MIEF1: variants seen among roughly 807,000 people sequenced by gnomAD.
The protein encoded by MIEF1 is mitochondrial dynamics protein MIEF1.
MIEF1 carries 14 observed loss-of-function variants against 35.1 expected under a neutral mutation model. The ratio of observed to expected loss-of-function variants is 0.40; its 90% CI spans 0.26 to 0.62. MIEF1 has a LOEUF of 0.62. Among genes scored for constraint, MIEF1 ranks in the 20% least tolerant of loss-of-function variants. The probability of loss-of-function intolerance (pLI) is 0.43; values close to 1 mark genes in which losing one functional copy is unlikely to be tolerated. For synonymous variants in MIEF1, 245 were observed against 254.3 expected (o/e 0.96, Z 0.35); for missense variants, 542 against 615.4 (o/e 0.88, Z 1.26).
In MIEF1 at chr22:39,517,686, T is replaced by C; in HGVS notation, c.*3363T>C. On this transcript the variant is annotated 3_prime_UTR_variant, in exon 6 of 6. Coordinates refer to ENST00000325301, the MANE Select transcript of MIEF1 (RefSeq NM_019008.6). The stretch of plus-strand genomic sequence containing the variant: ...AGAACTCTGCCCTTTTGTCTGAAAC[T>C]CAAGGCCAAGGAGAATGATAGGAGA... 2.1e-6 allele frequency: 1 copy of C among 466,584 alleles called. No individual in the cohort carries two copies. Among genetic ancestry groups the C allele is most frequent in the South Asian group, 1.6e-5 (1 of 64,050 alleles). 28.9% of individuals were successfully genotyped at this position (466,584 alleles called of 1,614,324 possible).
chr22:39,511,890 C>G lies in MIEF1; in HGVS notation c.186C>G (p.Arg62=). 6.2e-7 allele frequency: 1 copy of G among 1,614,240 alleles called. No individual in the cohort carries two copies. The highest frequency in any genetic ancestry group is 8.5e-7 in the Non-Finnish European group (1 of 1,180,036). Reference sequence around the variant, plus strand: ...TCAGTGCCCCTACCAGCCCCACCCGCCTGAGCCATTCGGGGAAAAGGAGCT... The same window carrying G: ...TCAGTGCCCCTACCAGCCCCACCCGGCTGAGCCATTCGGGGAAAAGGAGCT... ...RAISAPTSPT[R]LSHSGKRSWE... is the part of the protein sequence containing the mutation. The change falls in exon 4 of 6, where the codon CGC becomes CGG. Residue 62 remains arginine, a synonymous_variant. Coordinates refer to ENST00000325301, the MANE Select transcript of MIEF1 (RefSeq NM_019008.6).
intron 4 of MIEF1, 45 bp from the exon 5 acceptor site, chr22:39,512,187 C>A: frequency 6.3e-7 from 1 of 1,591,204 alleles, no homozygotes; most frequent in Non-Finnish European, 8.5e-7. Context: ...GTGGACTGAG[C>A]AGGCATGGGC....
rs553210294 is a variant in MIEF1 at position 39,514,344 on chromosome 22, G to A, written c.*21G>A. ...CGTAGGGCAGGTGAAGGCCAAAGCG[G>A]GTGTTGGTGGTCAGGCCCTGGATTC... is the stretch of plus-strand genomic sequence containing the variant. On this transcript the variant is annotated 3_prime_UTR_variant, in exon 6 of 6. Coordinates refer to ENST00000325301, the MANE Select transcript of MIEF1 (RefSeq NM_019008.6). 2 of 1,608,486 alleles carry A rather than the reference G, an allele frequency of 1.2e-6. No homozygotes were observed. Among genetic ancestry groups the A allele is most frequent in the African/African-American group, 2.7e-5 (2 of 74,944 alleles).
Position 39,515,430 on chromosome 22 carries a change from T to C in MIEF1, c.*1107T>C, listed in dbSNP as rs1930608613. 1.4e-6 allele frequency: 1 copy of C among 690,268 alleles called. No individual in the cohort carries two copies. The highest frequency in any genetic ancestry group is 2.7e-6 in the Non-Finnish European group (1 of 371,946). The allele number at this position is 690,268 out of a possible 1,614,324, so 42.8% of individuals were successfully genotyped here. A position where few individuals can be genotyped will look rare whatever the true frequency, so the allele number is the denominator to read the frequency against. The stretch of plus-strand genomic sequence containing the variant: ...AGCCAGCCCTTCATCCTCCAGCGTC[T>C]GCCATAGGAATGTGAGAGGGGTGTT... On this transcript the variant is annotated 3_prime_UTR_variant, in exon 6 of 6. Coordinates refer to ENST00000325301, the MANE Select transcript of MIEF1 (RefSeq NM_019008.6).
intron 2 of MIEF1, among the ~76,000 whole-genome samples, chr22:39,510,107 C>T (rs1475650152): frequency 5.3e-5 from 8 of 151,922 alleles, no homozygotes; most frequent in Non-Finnish European, 1.2e-4. Flanking sequence ...TACAGGCATG[C>T]GCTGTCACAT....
At chr22:39,502,984 C>T (rs1929825494) in intron 1 of MIEF1, 2 of 152,130 alleles carry the variant, frequency 1.3e-5, no homozygotes, top group Admixed American at 6.5e-5. Flanking sequence ...CAAATACTTC[C>T]CCCACTTGGT....
Position 39,515,460 on chromosome 22 carries a change from G to C in MIEF1, c.*1137G>C, listed in dbSNP as rs184750464. 2.6e-5 allele frequency: 17 copies of C among 660,050 alleles called. No homozygotes were observed. The East Asian group carries it at 3.8e-4, about 15-fold the overall frequency. 40.9% of individuals were successfully genotyped at this position (660,050 alleles called of 1,614,324 possible). A position where few individuals can be genotyped will look rare whatever the true frequency, so the allele number is the denominator to read the frequency against. On this transcript the variant is annotated 3_prime_UTR_variant, in exon 6 of 6. Coordinates refer to ENST00000325301, the MANE Select transcript of MIEF1 (RefSeq NM_019008.6). ...TAGGAATGTGAGAGGGGTGTTTGCT[G>C]AGCGCTCCGGGCACGGCCAGAGGGC...
chr22:39,508,799 CT>C (rs1569016574), intron 2 of MIEF1, among the ~76,000 whole-genome samples: 1 of 152,096 alleles, frequency 6.6e-6, no homozygotes, highest in African/African-American at 2.4e-5. Context: ...GGTGTGAACT[CT>C]AGTTAGGGAA....
chr22:39,508,545 A>G (rs1190930629), intron 2 of MIEF1, among the ~76,000 whole-genome samples: 1 of 152,112 alleles, frequency 6.6e-6, no homozygotes, highest in African/African-American at 2.4e-5. Context: ...TTTTCTCCTG[A>G]TTGGGTTATC....
At position 39,512,016 on chromosome 22, in the gene MIEF1, C is replaced by G; in HGVS notation, c.312C>G (p.Thr104=). The G allele has an allele frequency of 1.2e-6, 2 of 1,612,896 alleles. No homozygotes were observed. The highest frequency in any genetic ancestry group is 2.2e-5 in the South Asian group (2 of 91,028). ...SLQTLPTDSS[T]FDTDTFCPPR... is the part of the protein sequence containing the mutation. ...AGACCCTTCCCACAGACTCCTCCACCTTCGACACAGGTGAGAAGGGCTGCT... is the reference window on the plus strand; with the variant it reads ...AGACCCTTCCCACAGACTCCTCCACGTTCGACACAGGTGAGAAGGGCTGCT... The change falls in exon 4 of 6, where the codon ACC becomes ACG. Residue 104 remains threonine (T), a synonymous_variant. Coordinates refer to ENST00000325301, the MANE Select transcript of MIEF1 (RefSeq NM_019008.6).
At chr22:39,512,541 C>T (rs1930407941) in intron 5 of MIEF1, 47 bp downstream of exon 5, 1 of 1,567,862 alleles carries the variant, frequency 6.4e-7, no homozygotes, top group Admixed American at 1.7e-5. Flanking sequence ...TGCTGAGCAC[C>T]ATAGTGTTGT....
In MIEF1 at chr22:39,517,736, C is replaced by G. The variant is rs1930752861; in HGVS notation, c.*3413C>G. 5.1e-6 allele frequency: 2 copies of G among 393,520 alleles called. No individual in the cohort carries two copies. The highest frequency in any genetic ancestry group is 6.2e-5 in the Admixed American group (2 of 32,502). The allele number at this position is 393,520 out of a possible 1,614,324, so 24.4% of individuals were successfully genotyped here. On this transcript the variant is annotated 3_prime_UTR_variant, in exon 6 of 6. Transcript: ENST00000325301. ...ACTTAGGACAGAGCTGACCCTTGCACCAGGCTGGGAGGCTGCAGCCCTTTT... is the reference window on the plus strand; with the variant it reads ...ACTTAGGACAGAGCTGACCCTTGCAGCAGGCTGGGAGGCTGCAGCCCTTTT...
rs1439863674 is a variant in MIEF1, at chr22:39,514,044, C to G, written c.1113C>G (p.Cys371Trp). The change falls in exon 6 of 6, where the codon TGC becomes TGG. Residue 371 changes from cysteine to tryptophan, a missense_variant. Cys to Trp is a radical substitution (Grantham distance 215, BLOSUM62 -2). Transcript: ENST00000325301. ...GCCTCAAGATCCTCAAGGCCATATG[C>G]AAGTCCACCCCGGCTCTGGGCCACC... The part of the protein sequence containing the change: ...SLCLKILKAI[C>W]KSTPALGHLT... The G allele has an allele frequency of 1.2e-6, 2 of 1,613,814 alleles. No homozygotes were observed. The highest frequency in any genetic ancestry group is 1.7e-6 in the Non-Finnish European group (2 of 1,180,052).
chr22:39,517,356 T>C lies in MIEF1; in HGVS notation c.*3033T>C. 3.7e-6 allele frequency: 1 copy of C among 268,170 alleles called. No homozygotes were observed. The highest frequency in any genetic ancestry group is 7.7e-6 in the Non-Finnish European group (1 of 130,062). 16.6% of individuals were successfully genotyped at this position (268,170 alleles called of 1,614,324 possible). A position where few individuals can be genotyped will look rare whatever the true frequency, so the allele number is the denominator to read the frequency against. ...TCTTTACATGCTTGGTTATGACTTT[T>C]AAAGTTTTATTTAAATAAATGTTGA... On this transcript the variant is annotated 3_prime_UTR_variant, in exon 6 of 6. Coordinates refer to ENST00000325301, the MANE Select transcript of MIEF1 (RefSeq NM_019008.6).
rs1930553497 is a variant in MIEF1, at chr22:39,514,476, T to A, written c.*153T>A. ...ACTTCATGCTGATTAGAATGACATC[T>A]CTTTCGTCTCCTATTTTGTTACCCA... On this transcript the variant is annotated 3_prime_UTR_variant, in exon 6 of 6. Coordinates refer to ENST00000325301, the MANE Select transcript of MIEF1 (RefSeq NM_019008.6). 1.0e-5 allele frequency: 7 copies of A among 698,250 alleles called. No individual in the cohort carries two copies. The highest frequency in any genetic ancestry group is 1.7e-5 in the Non-Finnish European group (7 of 422,770). The allele number at this position is 698,250 out of a possible 1,614,324, so 43.3% of individuals were successfully genotyped here.
rs962804363 is a variant in MIEF1, at chr22:39,514,011, A to C, written c.1080A>C (p.Arg360=). The change falls in exon 6 of 6, where the codon CGA becomes CGC. Residue 360 remains arginine (R), a synonymous_variant. Coordinates refer to ENST00000325301, the MANE Select transcript of MIEF1 (RefSeq NM_019008.6). ...RALDQADSGC[R]SLCLKILKAI... ...TGGACCAGGCTGACTCGGGCTGCCG[A>C]TCTCTGTGCCTCAAGATCCTCAAGG... is the stretch of plus-strand genomic sequence containing the variant. The C allele has an allele frequency of 2.1e-5, 34 of 1,613,394 alleles. No individual in the cohort carries two copies. Among genetic ancestry groups the C allele is most frequent in the Non-Finnish European group, 2.9e-5 (34 of 1,180,034 alleles).
rs1930395414 is a variant in MIEF1 at position 39,512,422 on chromosome 22, C to G, written c.513C>G (p.Phe171Leu). ...ACATATGTGCCGAGCTCCGGAGCTT[C>G]CTGCGGGCCAAGTTGCCTGACATGC... ...AVDICAELRSFLRAKLPDMPL... is the reference protein window; with the variant it reads ...AVDICAELRSLLRAKLPDMPL... The change falls in exon 5 of 6, where the codon TTC becomes TTG. Residue 171 changes from phenylalanine to leucine, a missense_variant. By Grantham distance (22) the Phe-to-Leu change is conservative. Transcript: ENST00000325301. 1.2e-6 allele frequency: 2 copies of G among 1,614,152 alleles called. No homozygotes were observed. Among genetic ancestry groups the G allele is most frequent in the Non-Finnish European group, 1.7e-6 (2 of 1,180,010 alleles).
chr22:39,515,170 G>A lies in MIEF1; in HGVS notation c.*847G>A. 15 of 665,928 alleles carry A rather than the reference G, an allele frequency of 2.3e-5. No individual in the cohort carries two copies. The South Asian group carries it at 2.6e-4, about 11-fold the overall frequency. 41.3% of individuals were successfully genotyped at this position (665,928 alleles called of 1,614,324 possible). ...GACAGACAAGGATGGGGACTGCCAG[G>A]GCACCACTTCATCATGAATGCTGGT... On this transcript the variant is annotated 3_prime_UTR_variant, in exon 6 of 6. Transcript: ENST00000325301.
chr22:39,512,273 G>A lies in MIEF1; in HGVS notation c.364G>A (p.Gly122Ser), dbSNP rs1930385022. 3 of 1,614,012 alleles carry A rather than the reference G, an allele frequency of 1.9e-6. No homozygotes were observed. The South Asian group carries it at 3.3e-5, about 18-fold the overall frequency. ...PPRPKPVARK[G>S]QVDLKKSRLR... is the part of the protein sequence containing the mutation. ...CCGGCCCAAGCCAGTGGCCAGGAAG[G>A]GCCAGGTAGACTTGAAGAAGTCACG... is the stretch of plus-strand genomic sequence containing the variant. Residue 122 changes from glycine (G) to serine (S), a missense_variant, in exon 5 of 6, where the codon GGC becomes AGC. Coordinates refer to ENST00000325301, the MANE Select transcript of MIEF1 (RefSeq NM_019008.6).
Sources: gnomAD v4.1 joint callset for allele counts (sites outside exome capture counted in the v4.1 genomes callset) on GRCh38, gnomAD v4.1.1 for gene constraint, MANE v1.5 for transcripts, NCBI Gene and HGNC (gene_info 2026-07-23, HGNC 2026-07-21) for gene names.